GSE1: variants seen among roughly 807,000 people sequenced by gnomAD.
The protein encoded by GSE1 is genetic suppressor element 1.
Under a neutral mutation model 112.6 loss-of-function variants are expected in GSE1, and 32 were observed. That is an observed-to-expected ratio of 0.28 (90% CI 0.21 to 0.38). The LOEUF is 0.38. GSE1 is among the 10% of genes least tolerant of loss of function. GSE1 has a pLI of 1.00. For synonymous variants in GSE1, 1,115 were observed against 735.6 expected (o/e 1.52, Z -8.35); for missense variants, 2,348 against 1,699.2 (o/e 1.38, Z -6.71).
intron 1 of GSE1, among the ~76,000 whole-genome samples, chr16:85,322,614 C>CTT (rs34218941): frequency 1.6e-5 from 2 of 126,200 alleles, no homozygotes; most frequent in Non-Finnish European, 3.3e-5. Flanking sequence ...CTCCATTTTG[C>CTT]TTTTTTTTTT....
intron 2 of GSE1, among the ~76,000 whole-genome samples, chr16:85,495,310 G>C (rs1597951468): frequency 6.6e-6 from 1 of 152,196 alleles, no homozygotes; most frequent in East Asian, 1.9e-4. Flanking sequence ...ACTGGAGTGG[G>C]AGTCCCGGCC....
At chr16:85,172,765 C>G (rs1016356004) in intron 1 of GSE1, among the ~76,000 whole-genome samples, 1 of 152,204 alleles carries the variant, frequency 6.6e-6, no homozygotes, top group Non-Finnish European at 1.5e-5. Context: ...GTGGCGCTGT[C>G]GTGTTCAGAA....
At chr16:85,597,759 C>T (rs1438839584) in intron 1 of GSE1, among the ~76,000 whole-genome samples, 1 of 152,240 alleles carries the variant, frequency 6.6e-6, no homozygotes, top group Non-Finnish European at 1.5e-5. Flanking sequence ...GCATGATCCA[C>T]TGCGCCTGGC....
intron 1 of GSE1, among the ~76,000 whole-genome samples, chr16:85,560,708 A>G (rs1443460572): frequency 1.3e-5 from 2 of 151,976 alleles, no homozygotes; most frequent in African/African-American, 4.8e-5. Flanking sequence ...GTATGTATGT[A>G]TGTATGCCTA....
At chr16:85,636,430 C>G (rs1227679121) in intron 2 of GSE1, among the ~76,000 whole-genome samples, 2 of 152,204 alleles carry the variant, frequency 1.3e-5, no homozygotes, top group Admixed American at 6.5e-5. Context: ...AGCTGGTCAC[C>G]CCTGTCAGGC....
chr16:85,218,203 G>A (rs747717276), intron 1 of GSE1, among the ~76,000 whole-genome samples: 18 of 151,874 alleles, frequency 1.2e-4, no homozygotes, highest in Non-Finnish European at 1.8e-4. Context: ...CGCCTGGCTC[G>A]TTTCAGCCTC....
intron 2 of GSE1, among the ~76,000 whole-genome samples, chr16:85,445,013 T>C (rs1183684194): frequency 2.0e-5 from 3 of 152,226 alleles, no homozygotes; most frequent in Admixed American, 2.0e-4. Context: ...CTTTTCATGC[T>C]TCAGGTTTCC....
chr16:85,557,194 C>T (rs950625331), intron 1 of GSE1, among the ~76,000 whole-genome samples: 8 of 152,184 alleles, frequency 5.3e-5, no homozygotes, highest in African/African-American at 1.9e-4. Flanking sequence ...AGGGTTCTTC[C>T]CCACCGCGCG....
intron 2 of GSE1, among the ~76,000 whole-genome samples, chr16:85,421,793 A>T (rs546394915): frequency 6.6e-6 from 1 of 152,124 alleles, no homozygotes; most frequent in Non-Finnish European, 1.5e-5. Context: ...AGAGAGGTAG[A>T]TGGGGAGAGG....
At chr16:85,317,037 G>C (rs545110995) in intron 1 of GSE1, among the ~76,000 whole-genome samples, 2 of 152,326 alleles carry the variant, frequency 1.3e-5, no homozygotes, top group East Asian at 3.9e-4. Context: ...GGCAGAGGCA[G>C]GCACATTGAT....
chr16:85,527,026 C>G (rs2052384843), intron 2 of GSE1, among the ~76,000 whole-genome samples: 1 of 152,148 alleles, frequency 6.6e-6, no homozygotes. Context: ...GTCCGTGGTG[C>G]AGGGATTTGG....
chr16:85,590,695 T>C lies in GSE1; in HGVS notation c.37+34332T>C, dbSNP rs530008555. On this transcript the variant is annotated intron_variant, in intron 1 of 2. Coordinates refer to the GSE1 transcript ENST00000635906. ...ATGTGAATGTGTTTGAGACAGCGTGTGCGTGTGGGAGGGATGGAGTGTGTG... is the reference window on the plus strand; with the variant it reads ...ATGTGAATGTGTTTGAGACAGCGTGCGCGTGTGGGAGGGATGGAGTGTGTG... 1.4e-4 allele frequency among the ~76,000 whole-genome samples: 22 copies of C among 152,310 alleles called. No homozygotes were observed. The East Asian group carries it at 4.2e-3, about 29-fold the overall frequency.
chr16:85,654,528 T>G (rs2051734966), intron 4 of GSE1, 78 bp downstream of exon 4: 1 of 1,269,362 alleles, frequency 7.9e-7, no homozygotes. Flanking sequence ...CCAGGCAGCC[T>G]GCGGTCTGCA....
intron 1 of GSE1, among the ~76,000 whole-genome samples, chr16:85,617,610 C>G: frequency 1.5e-5 from 1 of 68,218 alleles, no homozygotes; most frequent in African/African-American, 5.8e-5. Context: ...CCCCCCCCCC[C>G]CGTTAACTGC....
chr16:85,464,211 GAGAA>G lies in GSE1; in HGVS notation c.2464+106572_2464+106575del, dbSNP rs776566656. Among the ~76,000 whole-genome samples the G allele has an allele frequency of 5.3e-5, 8 of 152,248 alleles. 1 individual carries two copies. The Middle Eastern group carries it at 0.017, about 324-fold the overall frequency. ...TTTTTGCCTTTTGAAAACTCAGGGG[GAGAA>G]AGAGTCATTTGTGGAGAGGTCGCGA... On this transcript the variant is annotated intron_variant, in intron 2 of 2. Coordinates refer to the GSE1 transcript ENST00000637419.
intron 1 of GSE1, among the ~76,000 whole-genome samples, chr16:85,178,531 A>C (rs2074515131): frequency 6.6e-6 from 1 of 152,042 alleles, no homozygotes; most frequent in Non-Finnish European, 1.5e-5. Context: ...GTCCCGGGCC[A>C]TGGTATTTTA....
At chr16:85,660,179 T>A (rs2052314756) in intron 8 of GSE1, among the ~76,000 whole-genome samples, 1 of 152,132 alleles carries the variant, frequency 6.6e-6, no homozygotes, top group Non-Finnish European at 1.5e-5. Flanking sequence ...GGTTTCCCCA[T>A]GGAAAGTGCG....
chr16:85,648,966 C>G (rs1158602877), intron 3 of GSE1, among the ~76,000 whole-genome samples: 2 of 152,142 alleles, frequency 1.3e-5, no homozygotes, highest in Non-Finnish European at 2.9e-5. Flanking sequence ...ACGCATCAGT[C>G]TGTCAGAAGA....
At chr16:85,537,094 G>A (rs1014104786) in intron 2 of GSE1, among the ~76,000 whole-genome samples, 1 of 152,218 alleles carries the variant, frequency 6.6e-6, no homozygotes, top group Admixed American at 6.5e-5. Flanking sequence ...ATGCAGAAGC[G>A]AGACAGGAGG....
Sources: gnomAD v4.1 joint callset for allele counts (sites outside exome capture counted in the v4.1 genomes callset) on GRCh38, gnomAD v4.1.1 for gene constraint, MANE v1.5 for transcripts, NCBI Gene and HGNC (gene_info 2026-07-23, HGNC 2026-07-21) for gene names.